The following SGCZ variants were observed in gnomAD, a reference collection of about 807,000 sequenced individuals.
The protein encoded by SGCZ is sarcoglycan zeta.
SGCZ carries 40 observed loss-of-function variants against 41.3 expected under a neutral mutation model. That is an observed-to-expected ratio of 0.97 (90% CI 0.75 to 1.26). SGCZ has a LOEUF of 1.26. Among genes scored for constraint, SGCZ ranks in the 50% most tolerant of loss-of-function variants. The probability of loss-of-function intolerance (pLI) is 0.00; values close to 1 mark genes in which losing one functional copy is unlikely to be tolerated. For missense variants in SGCZ, 552 were observed against 369.8 expected (o/e 1.49, Z -4.04); for synonymous variants, 206 against 137.5 (o/e 1.50, Z -3.49).
At chr8:14,647,847 T>C (rs528576289) in intron 1 of SGCZ, among the ~76,000 whole-genome samples, 7 of 152,202 alleles carry the variant, frequency 4.6e-5, no homozygotes, top group Admixed American at 3.9e-4. Context: ...CATCTGTAAG[T>C]TGAAGTTATT....
rs960220074 is a variant in SGCZ at position 14,941,730 on chromosome 8, C to T, written c.39+295855G>A. 2.3e-4 allele frequency among the ~76,000 whole-genome samples: 35 copies of T among 151,674 alleles called. 1 individual carries two copies. Among genetic ancestry groups the T allele is most frequent in the Admixed American group, 9.2e-4 (14 of 15,190 alleles). On this transcript the variant is annotated intron_variant, in intron 1 of 7. Transcript: ENST00000382080. The stretch of plus-strand genomic sequence containing the variant: ...GAGAGAGTTTGTACATCTATTCATA[C>T]GTTTATTAGAGACTTGATTTTTTGC...
intron 2 of SGCZ, among the ~76,000 whole-genome samples, chr8:14,527,577 G>A (rs1334375354): frequency 6.6e-6 from 1 of 152,004 alleles, no homozygotes; most frequent in Non-Finnish European, 1.5e-5. Context: ...CCTTAAAAAT[G>A]CCACGCCATG....
At chr8:14,328,447 G>A (rs1296727605) in intron 2 of SGCZ, among the ~76,000 whole-genome samples, 1 of 152,028 alleles carries the variant, frequency 6.6e-6, no homozygotes, top group Non-Finnish European at 1.5e-5. Flanking sequence ...ATCACTTTGT[G>A]TCTTAATTTT....
At chr8:14,927,006 C>G (rs1469457242) in intron 1 of SGCZ, among the ~76,000 whole-genome samples, 1 of 151,774 alleles carries the variant, frequency 6.6e-6, no homozygotes, top group East Asian at 1.9e-4. Context: ...TATCACATTC[C>G]TATGGACACA....
At chr8:14,848,722 C>T (rs1803218901) in intron 1 of SGCZ, among the ~76,000 whole-genome samples, 1 of 152,122 alleles carries the variant, frequency 6.6e-6, no homozygotes, top group African/African-American at 2.4e-5. Flanking sequence ...AATGTAAATC[C>T]TAAAGCAATA....
chr8:14,741,138 G>A (rs2244222), intron 1 of SGCZ, among the ~76,000 whole-genome samples: 66,258 of 151,834 alleles, frequency 0.44, 15,318 homozygotes, highest in Non-Finnish European at 0.52. Flanking sequence ...TAAAGCTTGT[G>A]TATTTAACTA....
At chr8:15,027,732 T>A (rs1803510226) in intron 1 of SGCZ, among the ~76,000 whole-genome samples, 1 of 152,048 alleles carries the variant, frequency 6.6e-6, no homozygotes, top group African/African-American at 2.4e-5. Context: ...TCAACATTCC[T>A]CATTTTATAG....
intron 2 of SGCZ, among the ~76,000 whole-genome samples, chr8:14,414,851 T>C (rs1799452950): frequency 6.6e-6 from 1 of 152,008 alleles, no homozygotes. Flanking sequence ...ATTGTGATCA[T>C]AAATTCAAAA....
At chr8:15,026,832 T>C (rs1187644270) in intron 1 of SGCZ, among the ~76,000 whole-genome samples, 1 of 152,190 alleles carries the variant, frequency 6.6e-6, no homozygotes, top group African/African-American at 2.4e-5. Context: ...AGATTTCTTT[T>C]ATCGTTCTAC....
chr8:14,262,275 T>G (rs1159054772), intron 3 of SGCZ, among the ~76,000 whole-genome samples: 1 of 152,158 alleles, frequency 6.6e-6, no homozygotes, highest in Non-Finnish European at 1.5e-5. Context: ...TGATACACGT[T>G]TTAATAGGTA....
intron 2 of SGCZ, among the ~76,000 whole-genome samples, chr8:14,395,336 T>C (rs1484403460): frequency 6.6e-6 from 1 of 152,156 alleles, no homozygotes; most frequent in African/African-American, 2.4e-5. Flanking sequence ...TGAAACAGAA[T>C]AGAATTCAGT....
chr8:15,021,097 A>G (rs1803231969), intron 1 of SGCZ, among the ~76,000 whole-genome samples: 1 of 152,236 alleles, frequency 6.6e-6, no homozygotes, highest in Admixed American at 6.5e-5. Flanking sequence ...AATTAACAAA[A>G]TGCCCCAACA....
chr8:14,353,077 G>A (rs78766405), intron 2 of SGCZ, among the ~76,000 whole-genome samples: 1,389 of 99,174 alleles, frequency 0.014, 25 homozygotes, highest in African/African-American at 0.035. Context: ...CACGTTGCAT[G>A]AGTTTGAAAT....
intron 1 of SGCZ, among the ~76,000 whole-genome samples, chr8:15,023,365 G>A (rs747755823): frequency 1.3e-5 from 2 of 152,150 alleles, no homozygotes; most frequent in Non-Finnish European, 2.9e-5. Flanking sequence ...GAAATGTGAT[G>A]CTGTTTACAG....
At chr8:14,243,716 T>C (rs543293990) in intron 3 of SGCZ, among the ~76,000 whole-genome samples, 2 of 152,244 alleles carry the variant, frequency 1.3e-5, no homozygotes, top group Admixed American at 6.5e-5. Context: ...TCCATGTCTC[T>C]TTATCAGGAA....
At chr8:14,289,589 C>G (rs1454092312) in intron 3 of SGCZ, among the ~76,000 whole-genome samples, 1 of 152,014 alleles carries the variant, frequency 6.6e-6, no homozygotes, top group Non-Finnish European at 1.5e-5. Flanking sequence ...GTCTATGTGT[C>G]TATTTTTATG....
At chr8:15,206,727 G>A (rs773930546) in intron 1 of SGCZ, among the ~76,000 whole-genome samples, 2 of 152,042 alleles carry the variant, frequency 1.3e-5, no homozygotes, top group Admixed American at 6.6e-5. Context: ...GATTACAGGC[G>A]TGAGCCACTG....
Position 15,127,386 on chromosome 8 carries a change from C to T in SGCZ, c.39+110199G>A, listed in dbSNP as rs116603229. On this transcript the variant is annotated intron_variant, in intron 1 of 7. Transcript: ENST00000382080. ...AGAGCAATCTTGTGAAATACCATTC[C>T]GTGTCCTGTATAAATATTTCAAATT... Among the ~76,000 whole-genome samples, 1,449 of 152,136 alleles carry T rather than the reference C, an allele frequency of 9.5e-3. 18 individuals are homozygous for T. The highest frequency in any genetic ancestry group is 0.033 in the African/African-American group (1,349 of 41,494).
chr8:15,124,649 C>T (rs1487102335), intron 1 of SGCZ, among the ~76,000 whole-genome samples: 1 of 152,146 alleles, frequency 6.6e-6, no homozygotes, highest in Non-Finnish European at 1.5e-5. Context: ...TCCTGATTCT[C>T]CTGCCAATTC....
Sources: allele counts gnomAD v4.1 joint callset (sites outside exome capture counted in the v4.1 genomes callset), GRCh38; gene constraint gnomAD v4.1.1; transcripts MANE v1.5; gene names NCBI Gene and HGNC (gene_info 2026-07-23, HGNC 2026-07-21).